The following KIF13A variants were observed in gnomAD, a reference collection of about 807,000 sequenced individuals.
KIF13A encodes the protein kinesin-like protein KIF13A.
A neutral mutation model predicts 212.2 loss-of-function variants in KIF13A; 79 were observed. That is an observed-to-expected ratio of 0.37 (90% CI 0.31 to 0.45). The LOEUF (loss-of-function observed/expected upper bound fraction) is 0.45. Ranked by LOEUF, KIF13A falls within the 20% of genes least tolerant of loss-of-function variation. The probability of loss-of-function intolerance (pLI) is 1.00; values close to 1 mark genes in which losing one functional copy is unlikely to be tolerated. For missense variants in KIF13A, 1,901 were observed against 2,209.0 expected (o/e 0.86, Z 2.79); for synonymous variants, 789 against 808.6 (o/e 0.98, Z 0.41).
At chr6:17,952,354 C>T (rs571747516) in intron 2 of KIF13A, among the ~76,000 whole-genome samples, 1 of 151,190 alleles carries the variant, frequency 6.6e-6, no homozygotes, top group South Asian at 2.1e-4. Flanking sequence ...AATAATTGGC[C>T]AGGTGTGGTG....
At chr6:17,942,845 T>G (rs1777066240) in intron 2 of KIF13A, among the ~76,000 whole-genome samples, 1 of 151,672 alleles carries the variant, frequency 6.6e-6, no homozygotes, top group Admixed American at 6.6e-5. Flanking sequence ...GGGCGTGGTG[T>G]CAACACGCCT....
chr6:17,857,157 G>A (rs551345784), intron 4 of KIF13A, among the ~76,000 whole-genome samples: 2 of 152,292 alleles, frequency 1.3e-5, no homozygotes, highest in African/African-American at 4.8e-5. Flanking sequence ...ATTTAGATCT[G>A]ATTTTAGGAG....
chr6:17,964,183 G>T (rs1031749103), intron 2 of KIF13A, among the ~76,000 whole-genome samples: 3 of 152,124 alleles, frequency 2.0e-5, no homozygotes, highest in African/African-American at 2.4e-5. Context: ...TATTAGCCAA[G>T]AACTAATTAT....
chr6:17,905,395 A>G (rs761570337), intron 2 of KIF13A, among the ~76,000 whole-genome samples: 18 of 152,334 alleles, frequency 1.2e-4, no homozygotes, highest in Admixed American at 2.0e-4. Flanking sequence ...AGACAGATAC[A>G]TACATGAATA....
At chr6:17,969,893 C>T (rs961984157) in intron 2 of KIF13A, among the ~76,000 whole-genome samples, 1 of 151,614 alleles carries the variant, frequency 6.6e-6, no homozygotes, top group African/African-American at 2.4e-5. Context: ...ATATACCATA[C>T]AAACCTAAAT....
At chr6:17,937,161 T>C (rs1273359660) in intron 2 of KIF13A, among the ~76,000 whole-genome samples, 1 of 152,140 alleles carries the variant, frequency 6.6e-6, no homozygotes, top group Non-Finnish European at 1.5e-5. Flanking sequence ...CTGGGCGACA[T>C]AGTGAGACCC....
intron 18 of KIF13A, among the ~76,000 whole-genome samples, chr6:17,806,075 ATGAC>A (rs971527312): frequency 3.9e-5 from 6 of 151,988 alleles, no homozygotes; most frequent in South Asian, 4.2e-4. Context: ...ACATGACACC[ATGAC>A]TGACTATTTT....
chr6:17,903,104 C>G lies in KIF13A; in HGVS notation c.147-4924G>C, dbSNP rs370556625. Among the ~76,000 whole-genome samples the G allele has an allele frequency of 4.3e-4, 66 of 152,298 alleles. 2 individuals are homozygous for G. The South Asian group carries it at 0.013, about 29-fold the overall frequency. ...ATCATTTCTCTAGACCAGCATTTCACAAGCATAGAAATTGAACGGGATGTT... is the reference window on the plus strand; with the variant it reads ...ATCATTTCTCTAGACCAGCATTTCAGAAGCATAGAAATTGAACGGGATGTT... On this transcript the variant is annotated intron_variant, in intron 2 of 38. Transcript: ENST00000259711.
intron 14 of KIF13A, among the ~76,000 whole-genome samples, chr6:17,827,379 G>A (rs966146575): frequency 2.6e-5 from 4 of 152,106 alleles, no homozygotes; most frequent in African/African-American, 7.2e-5. Context: ...TTACAGGTGT[G>A]AGCCACTGTT....
rs1764889762 is a variant in KIF13A, at chr6:17,825,526, T to A, written c.1786+242A>T. Among the ~76,000 whole-genome samples, 1 of 152,208 alleles carries A rather than the reference T, an allele frequency of 6.6e-6. No homozygotes were observed. Among genetic ancestry groups the A allele is most frequent in the African/African-American group, 2.4e-5 (1 of 41,438 alleles). ...AGGCCCGTGGAAATGTCACCACAAT[T>A]CGCTTGGGAATAAGAGGTCTCAAAA... On this transcript the variant is annotated intron_variant, in intron 16 of 38. Coordinates refer to ENST00000259711, the MANE Select transcript of KIF13A (RefSeq NM_022113.6). The surrounding 1 kb of genome is among the most constrained non-coding windows in gnomAD (Gnocchi z 4.5).
At chr6:17,893,984 C>T (rs999362984) in intron 3 of KIF13A, among the ~76,000 whole-genome samples, 1 of 151,438 alleles carries the variant, frequency 6.6e-6, no homozygotes, top group South Asian at 2.1e-4. Context: ...GGACTACAGG[C>T]GTGTGCCACC....
At chr6:17,869,642 C>T (rs1581586915) in intron 4 of KIF13A, among the ~76,000 whole-genome samples, 1 of 136,906 alleles carries the variant, frequency 7.3e-6, no homozygotes, top group Non-Finnish European at 1.6e-5. Context: ...CATTATACCC[C>T]CACTAGAGAA....
intron 3 of KIF13A, among the ~76,000 whole-genome samples, chr6:17,884,887 C>T (rs1274787254): frequency 6.6e-6 from 1 of 152,160 alleles, no homozygotes; most frequent in Non-Finnish European, 1.5e-5. Context: ...CATTAGCTTG[C>T]CAATGTCCTG....
chr6:17,949,529 T>A (rs1215321946), intron 2 of KIF13A, among the ~76,000 whole-genome samples: 1 of 152,088 alleles, frequency 6.6e-6, no homozygotes, highest in Non-Finnish European at 1.5e-5. Flanking sequence ...TTAGTGCAGG[T>A]CTCTTAAGGG....
At position 17,850,346 on chromosome 6, in the gene KIF13A, T is replaced by A. The variant is rs1458260804; in HGVS notation, c.694A>T (p.Thr232Ser). The A allele has an allele frequency of 6.2e-7, 1 of 1,613,784 alleles. No homozygotes were observed. The highest frequency in any genetic ancestry group is 8.5e-7 in the Non-Finnish European group (1 of 1,179,784). ...ACCCCAGACTGCAGGTCATAAAGTG[T>A]CTGTGTGATTATGATGTTGAACACA... ...HAVFNIIITQ[T>S]LYDLQSGNSG... is the part of the protein sequence containing the mutation. The change falls in exon 8 of 39, where the codon ACA becomes TCA. Residue 232 changes from threonine (T) to serine (S), a missense_variant. Around this residue, in one of 5 missense-constraint regions of KIF13A, gnomAD observed 506 missense variants for 637.4 expected, o/e 0.79. Coordinates refer to ENST00000259711, the MANE Select transcript of KIF13A (RefSeq NM_022113.6). The surrounding 1 kb of genome is among the most constrained non-coding windows in gnomAD (Gnocchi z 6.2).
At position 17,907,545 on chromosome 6, in the gene KIF13A, C is replaced by T. The variant is rs569781636; in HGVS notation, c.147-9365G>A. Among the ~76,000 whole-genome samples, 108 of 143,672 alleles carry T rather than the reference C, an allele frequency of 7.5e-4. 1 individual carries two copies. Among genetic ancestry groups the T allele is most frequent in the Admixed American group, 5.1e-3 (74 of 14,380 alleles). 94.3% of individuals were successfully genotyped at this position (143,672 alleles called of 152,430 possible). A position where few individuals can be genotyped will look rare whatever the true frequency, so the allele number is the denominator to read the frequency against. On this transcript the variant is annotated intron_variant, in intron 2 of 38. Transcript: ENST00000259711. ...AGAGTGAACCTCCAAGAAGGAAAGGCATTTATGGAAAAAAAAAAAAAAGGA... is the reference window on the plus strand; with the variant it reads ...AGAGTGAACCTCCAAGAAGGAAAGGTATTTATGGAAAAAAAAAAAAAAGGA...
Position 17,918,534 on chromosome 6 carries a change from G to T in KIF13A, c.147-20354C>A, listed in dbSNP as rs932897320. 6.6e-6 allele frequency among the ~76,000 whole-genome samples: 1 copy of T among 152,186 alleles called. No homozygotes were observed. Among genetic ancestry groups the T allele is most frequent in the South Asian group, 2.1e-4 (1 of 4,826 alleles). ...TACTCAGTAGCTCTTAAAGTGGCAG[G>T]TATCAAGTGGGGAAGCTAATTCCCA... On this transcript the variant is annotated intron_variant, in intron 2 of 38. Coordinates refer to ENST00000259711, the MANE Select transcript of KIF13A (RefSeq NM_022113.6). The surrounding 1 kb of genome is among the most constrained non-coding windows in gnomAD (Gnocchi z 4.8).
intron 6 of KIF13A, among the ~76,000 whole-genome samples, chr6:17,853,170 G>A (rs970845603): frequency 2.0e-5 from 3 of 152,064 alleles, no homozygotes; most frequent in Admixed American, 6.6e-5. Flanking sequence ...CAGTTATGCC[G>A]TTTCATTTCA....
chr6:17,809,030 G>A lies in KIF13A; in HGVS notation c.2001-100C>T, dbSNP rs576613609. On this transcript the variant is annotated intron_variant, in intron 17 of 38. Coordinates refer to ENST00000259711, the MANE Select transcript of KIF13A (RefSeq NM_022113.6). The surrounding 1 kb of genome is among the most constrained non-coding windows in gnomAD (Gnocchi z 4.7). ...TAGAAAATGGGAGAAAACTCCTCTC[G>A]GGCAGTATTTTTCAAACTATTTTAC... is the stretch of plus-strand genomic sequence containing the variant. 4.2e-5 allele frequency: 47 copies of A among 1,116,280 alleles called. No homozygotes were observed. Among genetic ancestry groups the A allele is most frequent in the African/African-American group, 8.0e-5 (5 of 62,796 alleles). The allele number at this position is 1,116,280 out of a possible 1,614,324, so 69.1% of individuals were successfully genotyped here.
Sources: gnomAD v4.1 joint callset for allele counts (sites outside exome capture counted in the v4.1 genomes callset) on GRCh38, gnomAD v4.1.1 for gene constraint, gnomAD v4.1.1 regional missense constraint, Gnocchi (gnomAD v3.1) non-coding constraint, MANE v1.5 for transcripts, NCBI Gene and HGNC (gene_info 2026-07-23, HGNC 2026-07-21) for gene names.